Variants in DGKZ observed in about 807,000 individuals in gnomAD.
DGKZ encodes DAG kinase zeta.
In DGKZ, 45 loss-of-function variants were observed where a neutral mutation model predicts 142.5. That is an observed-to-expected ratio of 0.32 (90% CI 0.25 to 0.40). The LOEUF (loss-of-function observed/expected upper bound fraction) is 0.40. DGKZ is among the 10% of genes least tolerant of loss of function. DGKZ has a pLI of 1.00. For synonymous variants in DGKZ, 442 were observed against 527.0 expected, an observed-to-expected ratio of 0.84 and a Z score of 2.21; for missense variants, 755 against 1,306.5, an observed-to-expected ratio of 0.58 and a Z score of 6.51.
At chr11:46,341,410 A>G (rs1940270362) in intron 1 of DGKZ, among the ~76,000 whole-genome samples, 2 of 152,242 alleles carry the variant, frequency 1.3e-5, no homozygotes, top group African/African-American at 4.8e-5. Context: ...TAGGTAAGGG[A>G]TCAGCAGGTG....
At chr11:46,357,528 G>A (rs537342577) in intron 1 of DGKZ, among the ~76,000 whole-genome samples, 60 of 152,364 alleles carry the variant, frequency 3.9e-4, no homozygotes, top group African/African-American at 1.4e-3. Flanking sequence ...TACACAAGGT[G>A]GAAGAAGCCT....
chr11:46,367,278 T>G lies in DGKZ; in HGVS notation c.162-13T>G, dbSNP rs372222252. The G allele has an allele frequency of 9.3e-6, 15 of 1,608,458 alleles. No homozygotes were observed. Among genetic ancestry groups the G allele is most frequent in the Non-Finnish European group, 1.2e-5 (14 of 1,177,308 alleles). The stretch of plus-strand genomic sequence containing the variant: ...GTGCTCAGCCCCCTCCTCAGCTGTC[T>G]TCTCCTCTCTAGGAAAGCCATCACC... On this transcript the variant is annotated splice_polypyrimidine_tract_variant and intron_variant, in intron 1 of 30. Transcript: ENST00000527911. The surrounding 1 kb of genome is among the most constrained non-coding windows in gnomAD (Gnocchi z 4.1).
chr11:46,338,102 G>A (rs893073891), intron 1 of DGKZ, among the ~76,000 whole-genome samples: 2 of 152,228 alleles, frequency 1.3e-5, no homozygotes, highest in Non-Finnish European at 2.9e-5. Context: ...AAGCGCCAGG[G>A]TTCTGCTAAA....
rs1943392977 is a variant in DGKZ, at chr11:46,367,063, C to T, written c.162-228C>T. 6.9e-7 allele frequency: 1 copy of T among 1,451,922 alleles called. No individual in the cohort carries two copies. Among genetic ancestry groups the T allele is most frequent in the Admixed American group, 2.4e-5 (1 of 41,554 alleles). 89.9% of individuals were successfully genotyped at this position (1,451,922 alleles called of 1,614,324 possible). A position where few individuals can be genotyped will look rare whatever the true frequency, so the allele number is the denominator to read the frequency against. On this transcript the variant is annotated intron_variant, in intron 1 of 30. Transcript: ENST00000527911. The surrounding 1 kb of genome is among the most constrained non-coding windows in gnomAD (Gnocchi z 4.1). ...CCTGGGCATGGGCCTTGAAGCTCTG[C>T]CTGGCTGAGGGTTCCCCACTTGGGA... is the stretch of plus-strand genomic sequence containing the variant.
chr11:46,367,601 A>C lies in DGKZ; in HGVS notation c.271-51A>C. The C allele has an allele frequency of 4.3e-6, 5 of 1,165,972 alleles. No homozygotes were observed. Among genetic ancestry groups the C allele is most frequent in the Non-Finnish European group, 5.6e-6 (5 of 889,420 alleles). 72.2% of individuals were successfully genotyped at this position (1,165,972 alleles called of 1,614,324 possible). On this transcript the variant is annotated intron_variant, in intron 2 of 30. Coordinates refer to ENST00000527911, the Ensembl canonical transcript of DGKZ. This position sits in a 1 kb window ranked among gnomAD's most constrained non-coding sequence, Gnocchi z 4.1. ...GGGCGGGTGGGCGGGGGCTGATGGGAGGGAGGGCTGGGCGGCCAGCGTGTG... is the reference window on the plus strand; with the variant it reads ...GGGCGGGTGGGCGGGGGCTGATGGGCGGGAGGGCTGGGCGGCCAGCGTGTG...
chr11:46,377,462 G>A lies in DGKZ; in HGVS notation c.2342+250G>A, dbSNP rs1425041063. 40 of 621,058 alleles carry A rather than the reference G, an allele frequency of 6.4e-5. No individual in the cohort carries two copies. The South Asian group carries it at 9.0e-4, about 14-fold the overall frequency. 38.5% of individuals were successfully genotyped at this position (621,058 alleles called of 1,614,324 possible). A position where few individuals can be genotyped will look rare whatever the true frequency, so the allele number is the denominator to read the frequency against. ...CCTTCAGCCAGTCCTGGCAGCCCCC[G>A]GACCCACCACCTGAGCACTCCTCCC... On this transcript the variant is annotated intron_variant, in intron 25 of 30. Transcript: ENST00000527911.
At chr11:46,350,510 C>T (rs1336501033) in intron 1 of DGKZ, among the ~76,000 whole-genome samples, 2 of 152,240 alleles carry the variant, frequency 1.3e-5, no homozygotes, top group South Asian at 2.1e-4. Flanking sequence ...CCTCCCCACC[C>T]CACCCACATA....
chr11:46,378,721 T>A, intron 27 of DGKZ: 1 of 835,302 alleles, frequency 1.2e-6, no homozygotes, highest in Non-Finnish European at 2.0e-6. Flanking sequence ...TCAGTCCACC[T>A]GTCCCTGGTG....
chr11:46,347,452 C>T, upstream of DGKZ: 2 of 982,628 alleles, frequency 2.0e-6, no homozygotes, highest in Non-Finnish European at 2.4e-6. The surrounding 1 kb of genome is among the most constrained non-coding windows in gnomAD (Gnocchi z 6.4). Flanking sequence ...GGTCCTGCGG[C>T]CGCGGCTGGC....
At chr11:46,351,827 T>G (rs1941424478) in intron 1 of DGKZ, among the ~76,000 whole-genome samples, 1 of 152,174 alleles carries the variant, frequency 6.6e-6, no homozygotes, top group South Asian at 2.1e-4. Flanking sequence ...GAACCCAGTG[T>G]AGAATTCTCA....
intron 19 of DGKZ, 128 bp from the exon 20 acceptor site, chr11:46,375,304 G>C: frequency 9.0e-7 from 1 of 1,116,928 alleles, no homozygotes; most frequent in Non-Finnish European, 1.3e-6. Context: ...CCTCCCCTCT[G>C]CCCTCTGGCC....
intron 1 of DGKZ, among the ~76,000 whole-genome samples, chr11:46,352,767 C>G (rs1200503916): frequency 6.6e-6 from 1 of 152,214 alleles, no homozygotes; most frequent in East Asian, 1.9e-4. Context: ...CCTGGGCCAC[C>G]CCTGAGCGGT....
At chr11:46,354,347 G>A (rs539778154) in intron 1 of DGKZ, among the ~76,000 whole-genome samples, 2 of 152,164 alleles carry the variant, frequency 1.3e-5, no homozygotes, top group African/African-American at 4.8e-5. Flanking sequence ...CCCCCATACC[G>A]GGCTCATTTT....
chr11:46,378,140 G>T, intron 25 of DGKZ, 58 bp from the exon 26 acceptor site: 3 of 1,578,318 alleles, frequency 1.9e-6, no homozygotes, highest in Non-Finnish European at 2.6e-6. Flanking sequence ...TGGGGTTGGG[G>T]AGGGCGACCA....
chr11:46,334,660 C>T (rs1939923986), intron 1 of DGKZ, among the ~76,000 whole-genome samples: 1 of 152,140 alleles, frequency 6.6e-6, no homozygotes, highest in Non-Finnish European at 1.5e-5. Context: ...TTCCCATGGG[C>T]CCTACCTCCA....
At chr11:46,368,196 G>T in intron 4 of DGKZ, 117 bp downstream of exon 4, 1 of 1,101,274 alleles carries the variant, frequency 9.1e-7, no homozygotes, top group South Asian at 1.3e-5. Flanking sequence ...CAGCACTCGG[G>T]GGTGAAGAGT....
At position 46,347,642 on chromosome 11, in the gene DGKZ, G is replaced by A; in HGVS notation, c.-18G>A. 7.8e-7 allele frequency: 1 copy of A among 1,288,020 alleles called. No individual in the cohort carries two copies. The highest frequency in any genetic ancestry group is 9.8e-7 in the Non-Finnish European group (1 of 1,016,926). The allele number at this position is 1,288,020 out of a possible 1,614,324, so 79.8% of individuals were successfully genotyped here. A position where few individuals can be genotyped will look rare whatever the true frequency, so the allele number is the denominator to read the frequency against. ...GGGCGTCTCCCGCGGGCCCTCCGCC[G>A]GCCGGGGCTAGGGCCGGATGGAGCC... On this transcript the variant is annotated 5_prime_UTR_variant, in exon 1 of 31. Coordinates refer to ENST00000527911, the Ensembl canonical transcript of DGKZ. This position sits in a 1 kb window ranked among gnomAD's most constrained non-coding sequence, Gnocchi z 6.4.
chr11:46,362,136 G>C (rs1031904953), intron 1 of DGKZ, among the ~76,000 whole-genome samples: 3 of 152,216 alleles, frequency 2.0e-5, no homozygotes, highest in Non-Finnish European at 2.9e-5. Context: ...AGCCGAGGGG[G>C]TTCTGGGGAG....
intron 1 of DGKZ, among the ~76,000 whole-genome samples, chr11:46,337,737 A>G (rs938133132): frequency 2.6e-5 from 4 of 152,088 alleles, no homozygotes; most frequent in Non-Finnish European, 4.4e-5. Context: ...TTGCCTGTGA[A>G]GAAGCCGAAG....
Sources: allele counts gnomAD v4.1 joint callset (sites outside exome capture counted in the v4.1 genomes callset), GRCh38; gene constraint gnomAD v4.1.1; non-coding constraint Gnocchi (gnomAD v3.1); transcripts MANE v1.5; gene names NCBI Gene and HGNC (gene_info 2026-07-23, HGNC 2026-07-21).